The following GPHN variants were observed in gnomAD, a reference collection of about 807,000 sequenced individuals.
GPHN encodes gephyrin.
Under a neutral mutation model 95.5 loss-of-function variants are expected in GPHN, and 17 were observed. The ratio of observed to expected loss-of-function variants is 0.18; its 90% confidence interval spans 0.12 to 0.27. GPHN has a LOEUF of 0.27. GPHN is among the 10% of genes least tolerant of loss of function. GPHN has a pLI of 1.00. For synonymous variants in GPHN, 320 were observed against 322.5 expected, an observed-to-expected ratio of 0.99 and a Z score of 0.08; for missense variants, 660 against 978.1, an observed-to-expected ratio of 0.67 and a Z score of 4.34.
intron 1 of GPHN, among the ~76,000 whole-genome samples, chr14:66,630,829 A>C (rs1385022341): frequency 6.6e-6 from 1 of 152,100 alleles, no homozygotes; most frequent in Non-Finnish European, 1.5e-5. Context: ...AGTTAATTAC[A>C]TAGTCTGTTT....
At chr14:67,280,857 C>CCTTCCTTCCTTCCTTCCTTCCT in the GPHN span, among the ~76,000 whole-genome samples, 1 of 53,250 alleles carries the variant, frequency 1.9e-5, no homozygotes, top group Non-Finnish European at 4.2e-5. Context: ...CCTTCCTTCC[C>CCTTCCTTCCTTCCTTCCTTCCT]TCCCTCCCTC....
At chr14:66,571,458 C>T (rs991796111) in intron 1 of GPHN, among the ~76,000 whole-genome samples, 1 of 152,070 alleles carries the variant, frequency 6.6e-6, no homozygotes, top group Non-Finnish European at 1.5e-5. Flanking sequence ...CTCTGTTGAT[C>T]ATGTACCTTG....
At chr14:67,335,159 T>G in the GPHN span, 10 of 152,228 alleles carry the variant, frequency 6.6e-5, no homozygotes, top group African/African-American at 2.4e-4. Context: ...CTATCAATCA[T>G]TCTCCCCTTC....
At chr14:67,497,338 A>C in the GPHN span, among the ~76,000 whole-genome samples, 1 of 152,124 alleles carries the variant, frequency 6.6e-6, no homozygotes, top group African/African-American at 2.4e-5. Flanking sequence ...TAACCTGCCT[A>C]AGGTCATACA....
At chr14:67,627,183 A>G in the GPHN span, among the ~76,000 whole-genome samples, 1 of 151,544 alleles carries the variant, frequency 6.6e-6, no homozygotes, top group Non-Finnish European at 1.5e-5. Flanking sequence ...TATAAATTCT[A>G]AAAGGATGAA....
chr14:66,874,978 G>A (rs914181988), intron 4 of GPHN, among the ~76,000 whole-genome samples: 1 of 152,168 alleles, frequency 6.6e-6, no homozygotes, highest in African/African-American at 2.4e-5. Flanking sequence ...ACGTTGGAAT[G>A]AAGGAATAAA....
the GPHN span, among the ~76,000 whole-genome samples, chr14:67,448,998 C>G: frequency 6.6e-6 from 1 of 152,106 alleles, no homozygotes; most frequent in Admixed American, 6.5e-5. Flanking sequence ...GAAGGTGTCA[C>G]GACAGAAAAG....
chr14:66,708,994 G>A (rs557674155), intron 2 of GPHN, among the ~76,000 whole-genome samples: 161 of 151,992 alleles, frequency 1.1e-3, no homozygotes, highest in Non-Finnish European at 1.4e-3. Flanking sequence ...ACCAGTCTGG[G>A]TATTTAGAAA....
the GPHN span, among the ~76,000 whole-genome samples, chr14:67,534,789 GAA>G: frequency 9.3e-4 from 136 of 146,620 alleles, 2 homozygotes; most frequent in Non-Finnish European, 3.6e-4. Flanking sequence ...ATTCCTGATA[GAA>G]AAAAAAAAAT....
At chr14:67,618,553 A>T in the GPHN span, among the ~76,000 whole-genome samples, 934 of 146,494 alleles carry the variant, frequency 6.4e-3, 8 homozygotes, top group African/African-American at 0.019. Context: ...TTTTTTTTTT[A>T]AATTTCTGGT....
At chr14:66,941,288 T>G (rs1217662312) in intron 8 of GPHN, among the ~76,000 whole-genome samples, 1 of 152,206 alleles carries the variant, frequency 6.6e-6, no homozygotes, top group Non-Finnish European at 1.5e-5. Context: ...ACTGAGTTGT[T>G]TGCAAAATAG....
intron 17 of GPHN, among the ~76,000 whole-genome samples, chr14:67,130,800 G>A (rs1227801062): frequency 6.6e-6 from 1 of 152,106 alleles, no homozygotes; most frequent in Non-Finnish European, 1.5e-5. Context: ...ATTTGGACTG[G>A]TGTGAGATGG....
chr14:66,685,072 C>T (rs961580021), intron 2 of GPHN, among the ~76,000 whole-genome samples: 19 of 152,200 alleles, frequency 1.2e-4, no homozygotes, highest in African/African-American at 4.3e-4. Flanking sequence ...CTACAAAGGA[C>T]GTGAACTCAT....
the GPHN span, among the ~76,000 whole-genome samples, chr14:67,686,495 C>A: frequency 7.9e-5 from 12 of 151,960 alleles, no homozygotes; most frequent in Non-Finnish European, 1.6e-4. Context: ...AAAAATTGGC[C>A]GGGCATGGTG....
At chr14:67,562,631 C>T in the GPHN span, 1 of 1,613,062 alleles carries the variant, frequency 6.2e-7, no homozygotes, top group Non-Finnish European at 8.5e-7. Flanking sequence ...GCACCACAGC[C>T]AGCCCCAGGT....
In GPHN at chr14:67,058,767, A is replaced by G. The variant is rs1302811569; in HGVS notation, c.1125A>G (p.Thr375=). 1 of 1,613,724 alleles carries G rather than the reference A, an allele frequency of 6.2e-7. No homozygotes were observed. The highest frequency in any genetic ancestry group is 8.5e-7 in the Non-Finnish European group (1 of 1,179,742). ...TVLEMTPVLG[T]EIINYRDGMG... is the part of the protein sequence containing the mutation. The stretch of plus-strand genomic sequence containing the variant: ...TGGAGATGACTCCGGTGCTTGGGAC[A>G]GAAATCATCAATTACCGAGGTACTA... The change falls in exon 11 of 23, where the codon ACA becomes ACG. Residue 375 remains threonine, a synonymous_variant. Coordinates refer to ENST00000478722, the MANE Select transcript of GPHN (RefSeq NM_020806.5).
intron 3 of GPHN, among the ~76,000 whole-genome samples, chr14:66,794,282 T>C (rs1010027109): frequency 2.0e-5 from 3 of 152,200 alleles, no homozygotes; most frequent in African/African-American, 4.8e-5. Context: ...CGTCTGAAAG[T>C]GTGTAGCCCC....
the GPHN span, chr14:67,364,740 T>TAA: frequency 6.3e-7 from 1 of 1,597,718 alleles, no homozygotes; most frequent in African/African-American, 1.3e-5. Context: ...ACTGAATACT[T>TAA]ACTTAATTCT....
At chr14:67,035,053 A>T (rs1053639039) in intron 10 of GPHN, among the ~76,000 whole-genome samples, 2 of 152,060 alleles carry the variant, frequency 1.3e-5, no homozygotes, top group African/African-American at 4.8e-5. Context: ...GAAGACTGAA[A>T]CCTATGAGAT....
Sources: gnomAD v4.1 joint callset for allele counts (sites outside exome capture counted in the v4.1 genomes callset) on GRCh38, gnomAD v4.1.1 for gene constraint, MANE v1.5 for transcripts, NCBI Gene and HGNC (gene_info 2026-07-23, HGNC 2026-07-21) for gene names.